The following OTUD3 variants were observed in gnomAD, a reference collection of about 807,000 sequenced individuals.
OTUD3 encodes OTU deubiquitinase 3, also known as OTU domain-containing protein 3.
Under a neutral mutation model 46.2 loss-of-function variants are expected in OTUD3, and 24 were observed. The observed-to-expected ratio is 0.52, with a 90% CI of 0.38 to 0.73. OTUD3 has a LOEUF of 0.73. Among genes scored for constraint, OTUD3 ranks in the 30% least tolerant of loss-of-function variants. OTUD3 has a pLI of 0.00. For missense variants in OTUD3, 455 were observed against 523.3 expected (o/e 0.87, Z 1.27); for synonymous variants, 189 against 195.4 (o/e 0.97, Z 0.27).
At chr1:19,898,796 C>T (rs2045550642) in intron 4 of OTUD3, among the ~76,000 whole-genome samples, 1 of 151,748 alleles carries the variant, frequency 6.6e-6, no homozygotes, top group African/African-American at 2.4e-5. Context: ...TGATCCAAAA[C>T]CATTGTTTTT....
chr1:19,904,513 C>T (rs2045632275), intron 5 of OTUD3, 115 bp downstream of exon 5: 5 of 888,414 alleles, frequency 5.6e-6, no homozygotes, highest in South Asian at 5.0e-5. Context: ...CCAAAATAGG[C>T]CCATGAGATT....
At position 19,907,845 on chromosome 1, in the gene OTUD3, C is replaced by A; in HGVS notation, c.*99C>A. ...GTCCTTTTATAAAACGCAACACAAC[C>A]AACGAAGCCCACACATGAGCTCACA... On this transcript the variant is annotated 3_prime_UTR_variant, in exon 8 of 8. Transcript: ENST00000375120. 9.1e-7 allele frequency: 1 copy of A among 1,100,098 alleles called. No individual in the cohort carries two copies. The highest frequency in any genetic ancestry group is 1.3e-6 in the Non-Finnish European group (1 of 765,034). The allele number at this position is 1,100,098 out of a possible 1,614,324, so 68.1% of individuals were successfully genotyped here.
rs778776410 is a variant in OTUD3, at chr1:19,882,728, G to C, written c.215G>C (p.Gly72Ala). ...ALGLKLREVP[G>A]DGNCLFRALG... ...GGGCTGAAGCTGCGGGAGGTGCCGGGGGACGGGTGAGGCGGGCCGGGAGCG... is the reference window on the plus strand; with the variant it reads ...GGGCTGAAGCTGCGGGAGGTGCCGGCGGACGGGTGAGGCGGGCCGGGAGCG... Residue 72 changes from glycine (G) to alanine (A), a missense_variant, in exon 1 of 8, where the codon GGG (glycine) becomes GCG (alanine). Coordinates refer to ENST00000375120, the MANE Select transcript of OTUD3 (RefSeq NM_015207.2). 2 of 1,364,584 alleles carry C rather than the reference G, an allele frequency of 1.5e-6. No individual in the cohort carries two copies. The highest frequency in any genetic ancestry group is 1.8e-5 in the South Asian group (1 of 56,896). The allele number at this position is 1,364,584 out of a possible 1,614,324, so 84.5% of individuals were successfully genotyped here. A position where few individuals can be genotyped will look rare whatever the true frequency, so the allele number is the denominator to read the frequency against.
chr1:19,903,790 G>A (rs1366220145), intron 4 of OTUD3, among the ~76,000 whole-genome samples: 6 of 152,210 alleles, frequency 3.9e-5, no homozygotes, highest in Non-Finnish European at 8.8e-5. Context: ...CAGCTGGGAC[G>A]GGAGCTTCAG....
intron 3 of OTUD3, among the ~76,000 whole-genome samples, chr1:19,896,276 T>C (rs986384875): frequency 6.6e-6 from 1 of 152,118 alleles, no homozygotes; most frequent in Non-Finnish European, 1.5e-5. Context: ...TCTAGATGTA[T>C]GTAACATAGA....
chr1:19,897,749 T>C, intron 4 of OTUD3, 87 bp downstream of exon 4: 1 of 1,351,516 alleles, frequency 7.4e-7, no homozygotes, highest in Non-Finnish European at 1.0e-6. Flanking sequence ...AAACCAGTAA[T>C]GTTTTTGTAG....
chr1:19,891,550 A>T (rs2045446606), intron 2 of OTUD3, among the ~76,000 whole-genome samples: 1 of 152,176 alleles, frequency 6.6e-6, no homozygotes, highest in Non-Finnish European at 1.5e-5. Flanking sequence ...ATAATGAGTA[A>T]GGCCCAAACC....
intron 7 of OTUD3, 137 bp from the exon 8 acceptor site, chr1:19,907,433 C>T (rs1197159723): frequency 7.3e-6 from 5 of 685,124 alleles, no homozygotes; most frequent in Non-Finnish European, 1.2e-5. Context: ...GACAGTAAAT[C>T]ATCTTTGGCG....
intron 1 of OTUD3, among the ~76,000 whole-genome samples, chr1:19,886,756 A>G (rs1271851319): frequency 6.6e-6 from 1 of 152,246 alleles, no homozygotes; most frequent in Non-Finnish European, 1.5e-5. Context: ...TGGAAGGGCT[A>G]CGTTGCTGGG....
In OTUD3 at chr1:19,897,665, G is replaced by T; in HGVS notation, c.606+3G>T. ...CACCTGCACATCTCCAGACGGATGT[G>T]AGTGAGGCCTCGGATTTCTCCCGTA... is the stretch of plus-strand genomic sequence containing the variant. On this transcript the variant is annotated splice_donor_region_variant and intron_variant, in intron 4 of 7. Transcript: ENST00000375120. The T allele has an allele frequency of 6.2e-7, 1 of 1,611,480 alleles. No homozygotes were observed. The highest frequency in any genetic ancestry group is 8.5e-7 in the Non-Finnish European group (1 of 1,178,946).
chr1:19,897,688 G>A lies in OTUD3; in HGVS notation c.606+26G>A, dbSNP rs200207832. 2.9e-5 allele frequency: 46 copies of A among 1,607,302 alleles called. No individual in the cohort carries two copies. The African/African-American group carries it at 3.9e-4, about 14-fold the overall frequency. On this transcript the variant is annotated intron_variant, in intron 4 of 7. Coordinates refer to ENST00000375120, the MANE Select transcript of OTUD3 (RefSeq NM_015207.2). ...GTGAGTGAGGCCTCGGATTTCTCCC[G>A]TATTCCCCGCCCTACAGGAAACAGA...
intron 2 of OTUD3, among the ~76,000 whole-genome samples, chr1:19,891,952 T>C (rs890791439): frequency 2.0e-5 from 3 of 152,232 alleles, no homozygotes; most frequent in African/African-American, 7.2e-5. Context: ...AGTTTAGTGC[T>C]GTACGAAATG....
chr1:19,904,950 A>T lies in OTUD3; in HGVS notation c.798A>T (p.Ile266=). 6.3e-7 allele frequency: 1 copy of T among 1,595,746 alleles called. No homozygotes were observed. Among genetic ancestry groups the T allele is most frequent in the Non-Finnish European group, 8.6e-7 (1 of 1,164,024 alleles). Residue 266 remains isoleucine (I), a synonymous_variant, in exon 6 of 8, where the codon ATA becomes ATT. Transcript: ENST00000375120. ...EAENYNIESA[I]IAVLRMNQGK... ...AAAATTATAATATTGAATCTGCAAT[A>T]ATTGCCGTGCTTCGGATGAACCAAG...
chr1:19,883,042 A>C (rs1203519414), intron 1 of OTUD3, among the ~76,000 whole-genome samples: 1 of 152,232 alleles, frequency 6.6e-6, no homozygotes, highest in Non-Finnish European at 1.5e-5. Flanking sequence ...GGCTCTCTCA[A>C]AGGTGACATT....
intron 3 of OTUD3, among the ~76,000 whole-genome samples, chr1:19,896,914 C>CT (rs1162825827): frequency 6.6e-6 from 1 of 152,064 alleles, no homozygotes; most frequent in Non-Finnish European, 1.5e-5. Context: ...GGCCGTACTA[C>CT]TTTATGTAAT....
intron 3 of OTUD3, among the ~76,000 whole-genome samples, chr1:19,895,343 T>C (rs2100280025): frequency 6.6e-6 from 1 of 152,354 alleles, no homozygotes; most frequent in Non-Finnish European, 1.5e-5. Flanking sequence ...CTATGTGTTT[T>C]GACAAACACA....
intron 6 of OTUD3, 130 bp downstream of exon 6, chr1:19,905,117 G>C: frequency 3.3e-6 from 2 of 605,474 alleles, no homozygotes. Context: ...TATTGAGCAC[G>C]TTCTGTACGT....
At position 19,912,270 on chromosome 1, in the gene OTUD3, CAT is replaced by C. The variant is rs1362765976; in HGVS notation, c.*4525_*4526del. 6.6e-6 allele frequency: 1 copy of C among 152,384 alleles called. No homozygotes were observed. The highest frequency in any genetic ancestry group is 2.4e-5 in the African/African-American group (1 of 41,462). 9.4% of individuals were successfully genotyped at this position (152,384 alleles called of 1,614,324 possible). A position where few individuals can be genotyped will look rare whatever the true frequency, so the allele number is the denominator to read the frequency against. On this transcript the variant is annotated 3_prime_UTR_variant, in exon 8 of 8. Coordinates refer to ENST00000375120, the MANE Select transcript of OTUD3 (RefSeq NM_015207.2). ...CAGGCTGCCAGCCATCCATGACAATCATGTGAGCTCAGCCACAGACCTCAGCT... is the reference window on the plus strand; with the variant it reads ...CAGGCTGCCAGCCATCCATGACAATCGTGAGCTCAGCCACAGACCTCAGCT...
chr1:19,905,337 G>A (rs2045644890), intron 6 of OTUD3, among the ~76,000 whole-genome samples: 3 of 152,004 alleles, frequency 2.0e-5, no homozygotes, highest in South Asian at 4.1e-4. Flanking sequence ...AATGGAGAGA[G>A]AAATACCTTG....
Sources: allele counts gnomAD v4.1 joint callset (sites outside exome capture counted in the v4.1 genomes callset), GRCh38; gene constraint gnomAD v4.1.1; transcripts MANE v1.5; gene names NCBI Gene and HGNC (gene_info 2026-07-23, HGNC 2026-07-21).